Variants in RBFOX1 observed in about 807,000 individuals in gnomAD.
RBFOX1 encodes the protein RNA binding protein fox-1 homolog 1.
A neutral mutation model predicts 57.7 loss-of-function variants in RBFOX1; 8 were observed. The observed-to-expected ratio is 0.14, with a 90% confidence interval of 0.08 to 0.25. The LOEUF is 0.25. Ranked by LOEUF, RBFOX1 falls within the 10% of genes least tolerant of loss-of-function variation. The pLI, the probability that RBFOX1 is intolerant of heterozygous loss-of-function variation, is 1.00. For synonymous variants in RBFOX1, 326 were observed against 222.4 expected (o/e 1.47, Z -4.15); for missense variants, 611 against 548.5 (o/e 1.11, Z -1.14).
chr16:7,194,041 A>C (rs2086082853), intron 4 of RBFOX1, among the ~76,000 whole-genome samples: 1 of 152,076 alleles, frequency 6.6e-6, no homozygotes. Context: ...GGTATACATG[A>C]TGCTATTAAA....
In RBFOX1 at chr16:5,240,721, C is replaced by T. The variant is rs1243654695; in HGVS notation, c.219+616C>T. Among the ~76,000 whole-genome samples the T allele has an allele frequency of 3.9e-5, 6 of 152,220 alleles. No individual in the cohort carries two copies. In the East Asian group the frequency reaches 1.2e-3, roughly 29 times the overall value. ...CAGAGAGGCAAAGTTCCTTGCATCC[C>T]TCGGGGCGCTGTCCCTGTGAGCTCC... On this transcript the variant is annotated intron_variant, in intron 1 of 2. Transcript: ENST00000585867.
At position 6,024,940 on chromosome 16, in the gene RBFOX1, C is replaced by T. The variant is rs75101176; in HGVS notation, c.-127+4948C>T. 9.8e-5 allele frequency among the ~76,000 whole-genome samples: 15 copies of T among 152,288 alleles called. No individual in the cohort carries two copies. In the East Asian group the frequency reaches 1.4e-3, roughly 14 times the overall value. On this transcript the variant is annotated intron_variant, in intron 1 of 15. Coordinates refer to ENST00000550418, the MANE Select transcript of RBFOX1 (RefSeq NM_018723.4). Reference sequence around the variant, plus strand: ...CTAGGATAGTTGTCTGCATGGAGGGCGTTTCAGAGAAGGGGACCAACAAGC... The same window carrying T: ...CTAGGATAGTTGTCTGCATGGAGGGTGTTTCAGAGAAGGGGACCAACAAGC...
At chr16:6,637,192 ATATAT>A in intron 2 of RBFOX1, among the ~76,000 whole-genome samples, 1 of 70,910 alleles carries the variant, frequency 1.4e-5, no homozygotes, top group East Asian at 4.6e-4. Flanking sequence ...AATATACAAT[ATATAT>A]TATATATTAT....
Position 6,745,014 on chromosome 16 carries a change from C to G in RBFOX1, c.-16+90364C>G, listed in dbSNP as rs1029393211. On this transcript the variant is annotated intron_variant, in intron 3 of 15. Transcript: ENST00000550418. ...GAAAGAGGAGGCATCACTACAGACTCTATAGGTATTAAAAGAAAAATAAGA... is the reference window on the plus strand; with the variant it reads ...GAAAGAGGAGGCATCACTACAGACTGTATAGGTATTAAAAGAAAAATAAGA... 3.9e-5 allele frequency among the ~76,000 whole-genome samples: 6 copies of G among 151,986 alleles called. 1 individual carries two copies. The highest frequency in any genetic ancestry group is 1.4e-4 in the African/African-American group (6 of 41,496).
intron 5 of RBFOX1, among the ~76,000 whole-genome samples, chr16:7,553,129 C>G (rs1041604631): frequency 1.3e-5 from 2 of 152,134 alleles, no homozygotes; most frequent in Non-Finnish European, 2.9e-5. Flanking sequence ...TTTCCAGTTT[C>G]CACATTTTAA....
chr16:7,057,949 A>G (rs187678743), intron 4 of RBFOX1, among the ~76,000 whole-genome samples: 174 of 148,376 alleles, frequency 1.2e-3, no homozygotes, highest in African/African-American at 4.0e-3. Flanking sequence ...TGGAGGTTGC[A>G]GTGAGCAGAG....
At chr16:6,084,295 G>A (rs562567670) in intron 1 of RBFOX1, among the ~76,000 whole-genome samples, 1 of 152,190 alleles carries the variant, frequency 6.6e-6, no homozygotes, top group East Asian at 1.9e-4. Flanking sequence ...CCAGGCTGGA[G>A]AGCAGTGATA....
Position 5,503,386 on chromosome 16 carries a change from C to T in RBFOX1, c.258+36132C>T, listed in dbSNP as rs80119215. Among the ~76,000 whole-genome samples the T allele has an allele frequency of 1.8e-3, 278 of 152,336 alleles. 1 individual carries two copies. The highest frequency in any genetic ancestry group is 6.0e-3 in the African/African-American group (249 of 41,572). ...TAGGTTTACTGAGATATAATTCACA[C>T]ACCATATAATTCATCAATTTCAAGT... On this transcript the variant is annotated intron_variant, in intron 2 of 2. Transcript: ENST00000585867.
At chr16:5,452,695 G>A (rs1357279619) in intron 1 of RBFOX1, among the ~76,000 whole-genome samples, 2 of 151,586 alleles carry the variant, frequency 1.3e-5, no homozygotes, top group Non-Finnish European at 2.9e-5. Flanking sequence ...CCAGGCTGGA[G>A]TGCAATGGCG....
At chr16:6,594,386 T>A (rs1438282604) in intron 2 of RBFOX1, among the ~76,000 whole-genome samples, 2 of 152,178 alleles carry the variant, frequency 1.3e-5, no homozygotes, top group Admixed American at 6.5e-5. Context: ...TGTGCGATTA[T>A]AAATGGTGGC....
intron 2 of RBFOX1, among the ~76,000 whole-genome samples, chr16:6,445,989 G>A (rs1442392999): frequency 6.6e-6 from 1 of 151,518 alleles, no homozygotes; most frequent in African/African-American, 2.4e-5. Context: ...TTTAGGGATA[G>A]GGTCTCTGTT....
chr16:7,084,575 C>G (rs1376912107), intron 4 of RBFOX1, among the ~76,000 whole-genome samples: 2 of 152,144 alleles, frequency 1.3e-5, no homozygotes, highest in South Asian at 2.1e-4. Flanking sequence ...TGCCTCATAA[C>G]TGACTTCAGT....
At chr16:6,087,629 C>T (rs1040866586) in intron 1 of RBFOX1, among the ~76,000 whole-genome samples, 3 of 151,862 alleles carry the variant, frequency 2.0e-5, no homozygotes, top group Non-Finnish European at 4.4e-5. Context: ...ATAGGAAACT[C>T]ATTCCCCTTG....
chr16:6,844,645 T>G (rs1182022587), intron 3 of RBFOX1, among the ~76,000 whole-genome samples: 2 of 152,184 alleles, frequency 1.3e-5, no homozygotes, highest in Non-Finnish European at 2.9e-5. Flanking sequence ...TGCAATTAAC[T>G]TACATGTGCA....
chr16:6,658,303 T>G (rs2098675385), intron 3 of RBFOX1, among the ~76,000 whole-genome samples: 1 of 151,952 alleles, frequency 6.6e-6, no homozygotes, highest in Non-Finnish European at 1.5e-5. Flanking sequence ...GGTGTGATCG[T>G]GATCTCAGCT....
chr16:7,497,754 C>G (rs1305358351), intron 4 of RBFOX1, among the ~76,000 whole-genome samples: 4 of 152,272 alleles, frequency 2.6e-5, no homozygotes, highest in East Asian at 1.9e-4. Flanking sequence ...TCTTTCTGAT[C>G]AAATTCAATG....
At chr16:5,943,436 A>C (rs866049309) in intron 4 of RBFOX1, among the ~76,000 whole-genome samples, 1 of 152,198 alleles carries the variant, frequency 6.6e-6, no homozygotes, top group African/African-American at 2.4e-5. Flanking sequence ...AGCAGGAAAC[A>C]TTTCTGGGTC....
chr16:6,390,807 A>G lies in RBFOX1; in HGVS notation c.-64+73750A>G, dbSNP rs192442778. ...TCAATTAGTGCAAAGGTCCTGGGGC[A>G]GGAAGGAGGCTGGAGTGGTTTGGGA... On this transcript the variant is annotated intron_variant, in intron 2 of 15. Coordinates refer to ENST00000550418, the MANE Select transcript of RBFOX1 (RefSeq NM_018723.4). 1.5e-4 allele frequency among the ~76,000 whole-genome samples: 23 copies of G among 152,240 alleles called. No individual in the cohort carries two copies. In the East Asian group the frequency reaches 3.7e-3, roughly 24 times the overall value.
chr16:6,503,027 T>C (rs1437608586), intron 2 of RBFOX1, among the ~76,000 whole-genome samples: 1 of 152,124 alleles, frequency 6.6e-6, no homozygotes, highest in Non-Finnish European at 1.5e-5. Flanking sequence ...AAAAGGATGG[T>C]AAAAAGTAGT....
Sources: gnomAD v4.1 joint callset for allele counts (sites outside exome capture counted in the v4.1 genomes callset) on GRCh38, gnomAD v4.1.1 for gene constraint, MANE v1.5 for transcripts, NCBI Gene and HGNC (gene_info 2026-07-23, HGNC 2026-07-21) for gene names.